Variants in PCDHGB7 observed in about 807,000 individuals in gnomAD.
PCDHGB7 encodes protocadherin gamma-B7.
PCDHGB7 carries 37 observed loss-of-function variants against 61.4 expected under a neutral mutation model. The ratio of observed to expected loss-of-function variants is 0.60; its 90% CI spans 0.46 to 0.79. The LOEUF (loss-of-function observed/expected upper bound fraction) is 0.79, where lower values mean the gene tolerates loss of function less well. Ranked by LOEUF, PCDHGB7 falls within the 30% of genes least tolerant of loss-of-function variation. The probability of loss-of-function intolerance (pLI) is 0.00; values close to 1 mark genes in which losing one functional copy is unlikely to be tolerated. For synonymous variants in PCDHGB7, 464 were observed against 503.5 expected (o/e 0.92, Z 1.05); for missense variants, 1,166 against 1,202.5 (o/e 0.97, Z 0.45).
intron 2 of PCDHGB7, among the ~76,000 whole-genome samples, chr5:141,501,907 G>T (rs4912761): frequency 0.59 from 89,145 of 151,782 alleles, 27,774 homozygotes; most frequent in African/African-American, 0.8. Context: ...CAACCCCACT[G>T]TTCCACTCAG....
At position 141,432,643 on chromosome 5, in the gene PCDHGB7, G is replaced by A. The variant is rs2097523971; in HGVS notation, c.2415+12369G>A. 15 of 1,613,754 alleles carry A rather than the reference G, an allele frequency of 9.3e-6. No homozygotes were observed. Among genetic ancestry groups the A allele is most frequent in the East Asian group, 4.5e-5 (2 of 44,860 alleles). ...GTCTGCACACGGGCGAGGTGCGCAC[G>A]GCGCGAGCCCTGCTGGACAGAGACG... On this transcript the variant is annotated intron_variant, in intron 1 of 3. Coordinates refer to ENST00000398594, the MANE Select transcript of PCDHGB7 (RefSeq NM_018927.4). This position sits in a 1 kb window ranked among gnomAD's most constrained non-coding sequence, Gnocchi z 6.0.
Position 141,511,156 on chromosome 5 carries a change from A to G in PCDHGB7, c.2773A>G (p.Lys925Glu), listed in dbSNP as rs2099883637. 6.2e-7 allele frequency: 1 copy of G among 1,614,080 alleles called. No individual in the cohort carries two copies. The highest frequency in any genetic ancestry group is 1.3e-5 in the African/African-American group (1 of 74,940). Residue 925 changes from lysine (K) to glutamate (E), a missense_variant, in exon 4 of 4, where the codon AAG (lysine) becomes GAG (glutamate). By Grantham distance (56) the Lys-to-Glu change is moderately conservative (BLOSUM62 1). Transcript: ENST00000398594. ...CAATGGCAACAAGAAGAAGTCGGGC[A>G]AGAAGGAGAAGAAGTAACATGGAGG... is the stretch of plus-strand genomic sequence containing the variant. ...GGNGNKKKSG[K>E]KEKK
intron 1 of PCDHGB7, chr5:141,433,309 T>C: frequency 1.1e-6 from 1 of 901,134 alleles, no homozygotes; most frequent in Admixed American, 2.7e-5. Context: ...TTATCCCACC[T>C]TTGCCTCCGG....
At chr5:141,423,228 CA>C in intron 1 of PCDHGB7, 1 of 1,613,866 alleles carries the variant, frequency 6.2e-7, no homozygotes, top group Non-Finnish European at 8.5e-7. Flanking sequence ...CTGTGGCCGA[CA>C]GCATCCCCGA....
At chr5:141,434,875 A>G (rs2097725018) in intron 1 of PCDHGB7, among the ~76,000 whole-genome samples, 1 of 151,990 alleles carries the variant, frequency 6.6e-6, no homozygotes, top group African/African-American at 2.4e-5. Flanking sequence ...TGTGACAGAT[A>G]CCAACAACAA....
intron 1 of PCDHGB7, chr5:141,421,504 C>A (rs757410882): frequency 1.2e-6 from 2 of 1,614,062 alleles, no homozygotes; most frequent in Admixed American, 1.7e-5. Context: ...CAGGATAGAC[C>A]GGGAGGAGCT....
chr5:141,471,977 A>G (rs1487329441), intron 1 of PCDHGB7, among the ~76,000 whole-genome samples: 1 of 152,212 alleles, frequency 6.6e-6, no homozygotes, highest in Non-Finnish European at 1.5e-5. Context: ...ATTACTGTAT[A>G]AATTTATTAA....
At chr5:141,439,622 TCC>T (rs1374759651) in intron 1 of PCDHGB7, among the ~76,000 whole-genome samples, 1 of 152,134 alleles carries the variant, frequency 6.6e-6, no homozygotes, top group Non-Finnish European at 1.5e-5. Context: ...AATGAGCCAA[TCC>T]CCAGACATTC....
At position 141,477,379 on chromosome 5, in the gene PCDHGB7, A is replaced by T; in HGVS notation, c.2416-17428A>T. Reference sequence around the variant, plus strand: ...CAGACCTGGATCGGGAGACTGTGCCAGAATACAACCTCAGCATCACCGCCC... The same window carrying T: ...CAGACCTGGATCGGGAGACTGTGCCTGAATACAACCTCAGCATCACCGCCC... On this transcript the variant is annotated intron_variant, in intron 1 of 3. Transcript: ENST00000398594. The surrounding 1 kb of genome is among the most constrained non-coding windows in gnomAD (Gnocchi z 4.9). 1.2e-6 allele frequency: 2 copies of T among 1,614,184 alleles called. No individual in the cohort carries two copies. The highest frequency in any genetic ancestry group is 1.7e-6 in the Non-Finnish European group (2 of 1,180,034).
intron 2 of PCDHGB7, among the ~76,000 whole-genome samples, chr5:141,495,389 C>T (rs966648925): frequency 2.0e-5 from 3 of 152,204 alleles, no homozygotes; most frequent in African/African-American, 7.2e-5. Context: ...CTGGGCGGGG[C>T]ATGGAGCAGG....
intron 1 of PCDHGB7, among the ~76,000 whole-genome samples, chr5:141,482,161 G>A (rs2099554171): frequency 6.6e-6 from 1 of 152,008 alleles, no homozygotes; most frequent in Non-Finnish European, 1.5e-5. Context: ...TCAAAGATAT[G>A]TAAGATTAAG....
chr5:141,466,375 C>A (rs2099121518), intron 1 of PCDHGB7, among the ~76,000 whole-genome samples: 1 of 152,042 alleles, frequency 6.6e-6, no homozygotes, highest in Non-Finnish European at 1.5e-5. Context: ...GGTTTTGGCA[C>A]CCATCTAATG....
intron 1 of PCDHGB7, among the ~76,000 whole-genome samples, chr5:141,468,246 A>G (rs2099161183): frequency 6.7e-6 from 1 of 149,754 alleles, no homozygotes; most frequent in South Asian, 2.1e-4. Context: ...AATTGCCTGA[A>G]CCTGGGAGGC....
chr5:141,433,299 T>G, intron 1 of PCDHGB7: 1 of 995,012 alleles, frequency 1.0e-6, no homozygotes, highest in Non-Finnish European at 1.5e-6. Flanking sequence ...GCTCAAGCAA[T>G]TATCCCACCT....
At chr5:141,508,927 A>C (rs1562237319) in intron 3 of PCDHGB7, among the ~76,000 whole-genome samples, 1 of 151,542 alleles carries the variant, frequency 6.6e-6, no homozygotes. Context: ...TTCCTTTTGG[A>C]GTTAATTAGG....
chr5:141,425,869 C>G (rs1376765137), intron 1 of PCDHGB7, among the ~76,000 whole-genome samples: 1 of 152,198 alleles, frequency 6.6e-6, no homozygotes, highest in Non-Finnish European at 1.5e-5. Flanking sequence ...TATAGATTCC[C>G]ATCTCTAAGG....
chr5:141,491,578 C>G lies in PCDHGB7; in HGVS notation c.2416-3229C>G, dbSNP rs1438933474. ...CCACTGCTACAGGACGTGCTTTTCA[C>G]CGGCCTCGGACGGCAGTGACTTCAC... On this transcript the variant is annotated intron_variant, in intron 1 of 3. Transcript: ENST00000398594. This position sits in a 1 kb window ranked among gnomAD's most constrained non-coding sequence, Gnocchi z 6.9. The G allele has an allele frequency of 1.9e-6, 3 of 1,614,006 alleles. No individual in the cohort carries two copies. Among genetic ancestry groups the G allele is most frequent in the Non-Finnish European group, 2.5e-6 (3 of 1,180,036 alleles).
At position 141,459,173 on chromosome 5, in the gene PCDHGB7, AG is replaced by A. The variant is rs370401072; in HGVS notation, c.2416-35633del. Among the ~76,000 whole-genome samples the A allele has an allele frequency of 3.1e-3, 479 of 152,326 alleles. 10 individuals carry two copies. In the South Asian group the frequency reaches 0.063, roughly 20 times the overall value. ...ATAGAACATTTCTATAACCTTCAAA[AG>A]TTCCCTCATGCCCCTTTGCAATCAA... On this transcript the variant is annotated intron_variant, in intron 1 of 3. Coordinates refer to ENST00000398594, the MANE Select transcript of PCDHGB7 (RefSeq NM_018927.4).
At position 141,477,458 on chromosome 5, in the gene PCDHGB7, T is replaced by C; in HGVS notation, c.2416-17349T>C. 6.2e-7 allele frequency: 1 copy of C among 1,614,126 alleles called. No homozygotes were observed. The highest frequency in any genetic ancestry group is 8.5e-7 in the Non-Finnish European group (1 of 1,180,022). ...CCTTACAATAGTGCGTGTTCAAGTG[T>C]CCGACATCAATGACAACCCTCCACA... On this transcript the variant is annotated intron_variant, in intron 1 of 3. Transcript: ENST00000398594. This position sits in a 1 kb window ranked among gnomAD's most constrained non-coding sequence, Gnocchi z 4.9.
Sources: gnomAD v4.1 joint callset for allele counts (sites outside exome capture counted in the v4.1 genomes callset) on GRCh38, gnomAD v4.1.1 for gene constraint, Gnocchi (gnomAD v3.1) non-coding constraint, MANE v1.5 for transcripts, NCBI Gene and HGNC (gene_info 2026-07-23, HGNC 2026-07-21) for gene names.